The following SCUBE3 variants were observed in gnomAD, a reference collection of about 807,000 sequenced individuals.
SCUBE3 encodes the protein signal peptide, CUB domain and EGF like domain containing 3.
A neutral mutation model predicts 116.8 loss-of-function variants in SCUBE3; 33 were observed. That is an observed-to-expected ratio of 0.28 (90% CI 0.21 to 0.38). The LOEUF is 0.38. Among genes scored for constraint, SCUBE3 ranks in the 10% least tolerant of loss-of-function variants. The pLI, the probability that SCUBE3 is intolerant of heterozygous loss-of-function variation, is 1.00. For synonymous variants in SCUBE3, 418 were observed against 496.9 expected, an observed-to-expected ratio of 0.84 and a Z score of 2.11; for missense variants, 1,007 against 1,324.8, an observed-to-expected ratio of 0.76 and a Z score of 3.72.
At chr6:35,247,336 C>T (rs1248999100) in intron 21 of SCUBE3, among the ~76,000 whole-genome samples, 1 of 149,302 alleles carries the variant, frequency 6.7e-6, no homozygotes, top group Non-Finnish European at 1.5e-5. Flanking sequence ...TACTCGGGAC[C>T]CTGAGGCAGG....
chr6:35,252,895 A>G lies in SCUBE3; in HGVS notation c.*4190A>G, dbSNP rs990289926. The G allele has an allele frequency of 1.3e-5, 2 of 152,228 alleles. No homozygotes were observed. Among genetic ancestry groups the G allele is most frequent in the African/African-American group, 2.4e-5 (1 of 41,460 alleles). The allele number at this position is 152,228 out of a possible 1,614,324, so 9.4% of individuals were successfully genotyped here. A position where few individuals can be genotyped will look rare whatever the true frequency, so the allele number is the denominator to read the frequency against. ...GAAGAAATTTCAAAATATTGTATTTATATCTGCCTTCCACTGCTGCCAATT... is the reference window on the plus strand; with the variant it reads ...GAAGAAATTTCAAAATATTGTATTTGTATCTGCCTTCCACTGCTGCCAATT... On this transcript the variant is annotated 3_prime_UTR_variant, in exon 22 of 22. Transcript: ENST00000274938.
At position 35,242,750 on chromosome 6, in the gene SCUBE3, G is replaced by A. The variant is rs778262745; in HGVS notation, c.1663G>A (p.Glu555Lys). Reference protein sequence around the residue: ...KEVTRLTLELEAEVRAEETTA... With the variant: ...KEVTRLTLELKAEVRAEETTA... Reference sequence around the variant, plus strand: ...GGTCACAAGGCTCACCCTGGAACTGGAGGCAGAGGTCAGAGCCGAAGAAAC... The same window carrying A: ...GGTCACAAGGCTCACCCTGGAACTGAAGGCAGAGGTCAGAGCCGAAGAAAC... The change falls in exon 14 of 22, where the codon GAG becomes AAG. Residue 555 changes from glutamate (E) to lysine (K), a missense_variant. Physicochemically the swap from Glu to Lys is moderately conservative, Grantham distance 56. Transcript: ENST00000274938. 1 of 1,614,046 alleles carries A rather than the reference G, an allele frequency of 6.2e-7. No homozygotes were observed. The highest frequency in any genetic ancestry group is 1.1e-5 in the South Asian group (1 of 91,084).
Position 35,232,921 on chromosome 6 carries a change from G to A in SCUBE3, c.541G>A (p.Ala181Thr). 1 of 1,614,196 alleles carries A rather than the reference G, an allele frequency of 6.2e-7. No homozygotes were observed. The highest frequency in any genetic ancestry group is 1.1e-5 in the South Asian group (1 of 91,088). Residue 181 changes from alanine (A) to threonine (T), a missense_variant, in exon 5 of 22, where the codon GCC (alanine) becomes ACC (threonine). Physicochemically the swap from Ala to Thr is moderately conservative, Grantham distance 58. Transcript: ENST00000274938. This position sits in a 1 kb window ranked among gnomAD's most constrained non-coding sequence, Gnocchi z 4.2. Reference sequence around the variant, plus strand: ...CCGGGAGACACCCAAGGGGGGTATTGCCTGTGAATGCCGTCCTGGCTTTGA... The same window carrying A: ...CCGGGAGACACCCAAGGGGGGTATTACCTGTGAATGCCGTCCTGGCTTTGA... ...ICRETPKGGI[A>T]CECRPGFELT...
In SCUBE3 at chr6:35,231,746, G is replaced by A. The variant is rs745391225; in HGVS notation, c.356G>A (p.Gly119Asp). The change falls in exon 4 of 22, where the codon GGC becomes GAC. Residue 119 changes from glycine to aspartate, a missense_variant. By Grantham distance (94) the Gly-to-Asp change is moderately conservative. This residue lies in a region of SCUBE3 where 37 missense variants were observed against 80.6 expected (regional missense o/e 0.46). Transcript: ENST00000274938. This position sits in a 1 kb window ranked among gnomAD's most constrained non-coding sequence, Gnocchi z 4.2. ...ACAGATGTGGACGAGTGTGCCGAGG[G>A]CAACGGCGGCTGTCAGCAGAGCTGT... ...NCLDVDECAE[G>D]NGGCQQSCVN... 6.2e-7 allele frequency: 1 copy of A among 1,612,950 alleles called. No individual in the cohort carries two copies. The highest frequency in any genetic ancestry group is 8.5e-7 in the Non-Finnish European group (1 of 1,179,122).
rs1783037761 is a variant in SCUBE3, at chr6:35,219,265, A to G, written c.85+4762A>G. On this transcript the variant is annotated intron_variant, in intron 1 of 21. Transcript: ENST00000274938. The surrounding 1 kb of genome is among the most constrained non-coding windows in gnomAD (Gnocchi z 4.7). ...TGTATCCAACAAAGTTGGGAAGTGGAGCTGAAATATCCGTGTTATGGGAAC... is the reference window on the plus strand; with the variant it reads ...TGTATCCAACAAAGTTGGGAAGTGGGGCTGAAATATCCGTGTTATGGGAAC... Among the ~76,000 whole-genome samples, 1 of 152,168 alleles carries G rather than the reference A, an allele frequency of 6.6e-6. No homozygotes were observed. Among genetic ancestry groups the G allele is most frequent in the South Asian group, 2.1e-4 (1 of 4,824 alleles).
chr6:35,220,638 G>T (rs1581909516), intron 1 of SCUBE3: 1 of 152,218 alleles, frequency 6.6e-6, no homozygotes, highest in East Asian at 1.9e-4. Flanking sequence ...ACAACAGAGA[G>T]AAACTCATCA....
rs367914997 is a variant in SCUBE3 at position 35,231,804 on chromosome 6, C to T, written c.414C>T (p.Cys138=). The change falls in exon 4 of 22, where the codon TGC becomes TGT. Residue 138 remains cysteine (C), a synonymous_variant. Coordinates refer to ENST00000274938, the MANE Select transcript of SCUBE3 (RefSeq NM_152753.4). The surrounding 1 kb of genome is among the most constrained non-coding windows in gnomAD (Gnocchi z 4.2). ...TGATGGGCAGCTATGAGTGCCACTGCCGGGAAGGCTTCTTCCTCAGCGACA... is the reference window on the plus strand; with the variant it reads ...TGATGGGCAGCTATGAGTGCCACTGTCGGGAAGGCTTCTTCCTCAGCGACA... ...VNMMGSYECH[C]REGFFLSDNQ... is the part of the protein sequence containing the mutation. 3.7e-5 allele frequency: 60 copies of T among 1,613,750 alleles called. No individual in the cohort carries two copies. The African/African-American group carries it at 7.2e-4, about 19-fold the overall frequency.
In SCUBE3 at chr6:35,240,579, T is replaced by A; in HGVS notation, c.1069+89T>A. 1 of 640,168 alleles carries A rather than the reference T, an allele frequency of 1.6e-6. No homozygotes were observed. Among genetic ancestry groups the A allele is most frequent in the Non-Finnish European group, 2.7e-6 (1 of 363,862 alleles). The allele number at this position is 640,168 out of a possible 1,614,324, so 39.7% of individuals were successfully genotyped here. ...ACAGGTCCTTGTGTTGGCTTGTGGC[T>A]ATGGGCAATCCCTGGATGCATGCAC... On this transcript the variant is annotated intron_variant, in intron 9 of 21. Coordinates refer to ENST00000274938, the MANE Select transcript of SCUBE3 (RefSeq NM_152753.4). The surrounding 1 kb of genome is among the most constrained non-coding windows in gnomAD (Gnocchi z 4.6).
chr6:35,233,079 G>T lies in SCUBE3; in HGVS notation c.595+104G>T. On this transcript the variant is annotated intron_variant, in intron 5 of 21. Coordinates refer to ENST00000274938, the MANE Select transcript of SCUBE3 (RefSeq NM_152753.4). This position sits in a 1 kb window ranked among gnomAD's most constrained non-coding sequence, Gnocchi z 5.7. ...AAGAGGACAGGGCTGGGAGGAAAAG[G>T]GAGTATGGGGGAGGCAACTAGGCAA... The T allele has an allele frequency of 6.6e-7, 1 of 1,505,226 alleles. No homozygotes were observed. Among genetic ancestry groups the T allele is most frequent in the Non-Finnish European group, 9.2e-7 (1 of 1,089,782 alleles). 93.2% of individuals were successfully genotyped at this position (1,505,226 alleles called of 1,614,324 possible).
intron 1 of SCUBE3, chr6:35,218,189 G>A (rs926953248): frequency 2.0e-5 from 20 of 979,930 alleles, no homozygotes; most frequent in African/African-American, 5.2e-5. Context: ...AAGAGGAGCC[G>A]GCCCTGGGTG....
rs1784312537 is a variant in SCUBE3, at chr6:35,245,811, T to C, written c.2600-133T>C. On this transcript the variant is annotated intron_variant, in intron 19 of 21. Transcript: ENST00000274938. This position sits in a 1 kb window ranked among gnomAD's most constrained non-coding sequence, Gnocchi z 4.2. ...GAGAGGGTGTGGGGTAGGGTGTGTGTATGCGAAGGGGGAGCCTTTGTCAGA... is the reference window on the plus strand; with the variant it reads ...GAGAGGGTGTGGGGTAGGGTGTGTGCATGCGAAGGGGGAGCCTTTGTCAGA... 2 of 916,412 alleles carry C rather than the reference T, an allele frequency of 2.2e-6. No homozygotes were observed. The highest frequency in any genetic ancestry group is 3.4e-6 in the Non-Finnish European group (2 of 590,218). 56.8% of individuals were successfully genotyped at this position (916,412 alleles called of 1,614,324 possible). A position where few individuals can be genotyped will look rare whatever the true frequency, so the allele number is the denominator to read the frequency against.
intron 6 of SCUBE3, among the ~76,000 whole-genome samples, chr6:35,236,871 C>G (rs1347618040): frequency 6.6e-6 from 1 of 152,228 alleles, no homozygotes; most frequent in African/African-American, 2.4e-5. Flanking sequence ...TCCACAGTCT[C>G]TGTATCAGGG....
chr6:35,230,037 T>C (rs3800383), intron 3 of SCUBE3, among the ~76,000 whole-genome samples: 6,335 of 152,286 alleles, frequency 0.042, 356 homozygotes, highest in East Asian at 0.3. Context: ...TAACCCATCA[T>C]TGGACCCAGG....
rs1267963543 is a variant in SCUBE3 at position 35,231,735 on chromosome 6, G to A, written c.345G>A (p.Glu115=). 1 of 1,611,790 alleles carries A rather than the reference G, an allele frequency of 6.2e-7. No individual in the cohort carries two copies. The highest frequency in any genetic ancestry group is 8.5e-7 in the Non-Finnish European group (1 of 1,178,248). ...ACCTATCCTGCACAGATGTGGACGA[G>A]TGTGCCGAGGGCAACGGCGGCTGTC... ...HDGHNCLDVD[E]CAEGNGGCQQ... The change falls in exon 4 of 22, where the codon GAG becomes GAA. Residue 115 remains glutamate (E), a synonymous_variant. Coordinates refer to ENST00000274938, the MANE Select transcript of SCUBE3 (RefSeq NM_152753.4). The surrounding 1 kb of genome is among the most constrained non-coding windows in gnomAD (Gnocchi z 4.2).
intron 20 of SCUBE3, 35 bp from the exon 21 acceptor site, chr6:35,246,171 C>T (rs759265856): frequency 2.0e-5 from 32 of 1,611,118 alleles, no homozygotes; most frequent in South Asian, 9.9e-5. Flanking sequence ...GAAGAGCTCC[C>T]GCCCCTGAGC....
intron 21 of SCUBE3, among the ~76,000 whole-genome samples, chr6:35,246,700 G>A (rs1042325941): frequency 5.9e-5 from 9 of 152,260 alleles, no homozygotes; most frequent in African/African-American, 1.2e-4. Flanking sequence ...GATAGGCTGC[G>A]TGTGGTGGTT....
chr6:35,223,429 CCT>C (rs1333272463), intron 1 of SCUBE3: 1 of 152,134 alleles, frequency 6.6e-6, no homozygotes, highest in African/African-American at 2.4e-5. Context: ...TGCTCCAGAA[CCT>C]CTCTCTTAAC....
Position 35,228,597 on chromosome 6 carries a change from C to T in SCUBE3, c.209-17C>T, listed in dbSNP as rs1350593064. 1.2e-6 allele frequency: 2 copies of T among 1,613,084 alleles called. No individual in the cohort carries two copies. Among genetic ancestry groups the T allele is most frequent in the South Asian group, 1.1e-5 (1 of 90,896 alleles). On this transcript the variant is annotated splice_polypyrimidine_tract_variant and intron_variant, in intron 2 of 21. Transcript: ENST00000274938. This position sits in a 1 kb window ranked among gnomAD's most constrained non-coding sequence, Gnocchi z 4.9. ...TCGCAGGTGGGTTCAGCTGTCTCAG[C>T]TTCCCTTTGCCCACAGACGTGGATG...
In SCUBE3 at chr6:35,231,820, C is replaced by T; in HGVS notation, c.430C>T (p.Leu144Phe). The T allele has an allele frequency of 6.2e-7, 1 of 1,613,646 alleles. No individual in the cohort carries two copies. Among genetic ancestry groups the T allele is most frequent in the South Asian group, 1.1e-5 (1 of 91,064 alleles). Residue 144 changes from leucine to phenylalanine, a missense_variant, in exon 4 of 22, where the codon CTC becomes TTC. By Grantham distance (22) the Leu-to-Phe change is conservative (BLOSUM62 0). Around this residue, in one of 5 missense-constraint regions of SCUBE3, gnomAD observed 214 missense variants for 316.7 expected, o/e 0.68. Coordinates refer to ENST00000274938, the MANE Select transcript of SCUBE3 (RefSeq NM_152753.4). The surrounding 1 kb of genome is among the most constrained non-coding windows in gnomAD (Gnocchi z 4.2). ...GTGCCACTGCCGGGAAGGCTTCTTC[C>T]TCAGCGACAACCAGCATACCTGTAT... ...YECHCREGFFLSDNQHTCIQR... is the reference protein window; with the variant it reads ...YECHCREGFFFSDNQHTCIQR...
Sources: gnomAD v4.1 joint callset for allele counts (sites outside exome capture counted in the v4.1 genomes callset) on GRCh38, gnomAD v4.1.1 for gene constraint, gnomAD v4.1.1 regional missense constraint, Gnocchi (gnomAD v3.1) non-coding constraint, MANE v1.5 for transcripts, NCBI Gene and HGNC (gene_info 2026-07-23, HGNC 2026-07-21) for gene names.